Variants in FHOD3 observed in about 807,000 individuals in gnomAD.
FHOD3 encodes the protein formin homology 2 domain containing 3.
In FHOD3, 90 loss-of-function variants were observed where a neutral mutation model predicts 173.0. The observed-to-expected ratio is 0.52, with a 90% CI of 0.44 to 0.62. The LOEUF is 0.62. Among genes scored for constraint, FHOD3 ranks in the 20% least tolerant of loss-of-function variants. FHOD3 has a pLI of 0.00. For synonymous variants in FHOD3, 828 were observed against 823.0 expected (o/e 1.01, Z -0.10); for missense variants, 1,945 against 2,034.7 (o/e 0.96, Z 0.85).
chr18:36,539,427 C>T (rs74976783), intron 5 of FHOD3, among the ~76,000 whole-genome samples: 2,074 of 152,264 alleles, frequency 0.014, 47 homozygotes, highest in African/African-American at 0.043. Context: ...AAGGCCATTG[C>T]GTAGAAAGTG....
At chr18:36,556,245 G>A (rs962280787) in intron 5 of FHOD3, among the ~76,000 whole-genome samples, 12 of 152,104 alleles carry the variant, frequency 7.9e-5, no homozygotes, top group African/African-American at 2.7e-4. Flanking sequence ...CAATATGAGT[G>A]AACTGTGAGA....
chr18:36,687,490 G>A (rs2038700306), intron 16 of FHOD3, among the ~76,000 whole-genome samples: 1 of 152,152 alleles, frequency 6.6e-6, no homozygotes, highest in Non-Finnish European at 1.5e-5. Context: ...TGTTCCTAAT[G>A]CATGCTTTTA....
chr18:36,768,477 G>A (rs1232779723), intron 27 of FHOD3, among the ~76,000 whole-genome samples: 2 of 152,190 alleles, frequency 1.3e-5, no homozygotes, highest in Non-Finnish European at 1.5e-5. Flanking sequence ...TGTGGAACTT[G>A]ATTATGCACA....
intron 10 of FHOD3, among the ~76,000 whole-genome samples, chr18:36,644,775 C>G (rs1434472569): frequency 6.6e-6 from 1 of 152,094 alleles, no homozygotes; most frequent in Non-Finnish European, 1.5e-5. Flanking sequence ...TGTTAGTGCC[C>G]CATGTAGGGA....
intron 27 of FHOD3, among the ~76,000 whole-genome samples, chr18:36,768,756 C>A (rs1044801405): frequency 6.6e-6 from 1 of 152,204 alleles, no homozygotes; most frequent in Non-Finnish European, 1.5e-5. Context: ...AAATCTATTT[C>A]TTTCTACTTA....
chr18:36,441,536 G>T (rs1234832064), intron 3 of FHOD3, among the ~76,000 whole-genome samples: 3 of 152,202 alleles, frequency 2.0e-5, no homozygotes, highest in Non-Finnish European at 4.4e-5. Context: ...GCTGCAGACT[G>T]CTGGACGTCT....
chr18:36,746,303 G>A (rs993303289), intron 23 of FHOD3, among the ~76,000 whole-genome samples: 4 of 152,140 alleles, frequency 2.6e-5, no homozygotes, highest in African/African-American at 9.7e-5. Context: ...TCAGAGTTTG[G>A]GAATCACCTG....
At chr18:36,511,827 AG>A (rs1337731485) in intron 4 of FHOD3, among the ~76,000 whole-genome samples, 1 of 152,216 alleles carries the variant, frequency 6.6e-6, no homozygotes, top group African/African-American at 2.4e-5. Flanking sequence ...CAGGTCTGCA[AG>A]CCAGCCAAGG....
intron 3 of FHOD3, among the ~76,000 whole-genome samples, chr18:36,376,973 A>C (rs1462762876): frequency 6.6e-6 from 1 of 152,206 alleles, no homozygotes; most frequent in African/African-American, 2.4e-5. Context: ...GTGCAGTCTT[A>C]ATGGGAAAGG....
intron 14 of FHOD3, among the ~76,000 whole-genome samples, chr18:36,671,762 A>C (rs1016612064): frequency 3.9e-5 from 6 of 152,186 alleles, no homozygotes; most frequent in African/African-American, 1.4e-4. Context: ...TATTGATGGC[A>C]CTCAGACACA....
chr18:36,692,999 A>G (rs1001507702), intron 16 of FHOD3: 23 of 592,758 alleles, frequency 3.9e-5, no homozygotes, highest in Non-Finnish European at 5.4e-5. Context: ...ATTTCCCCCA[A>G]TTTGCTTGGT....
chr18:36,372,571 C>T (rs2047244298), intron 2 of FHOD3, 109 bp from the exon 3 acceptor site: 6 of 771,710 alleles, frequency 7.8e-6, no homozygotes, highest in Non-Finnish European at 1.3e-5. Context: ...CTCTGCTTCT[C>T]TGGATCCCCA....
At chr18:36,373,969 G>A (rs1037719275) in intron 3 of FHOD3, among the ~76,000 whole-genome samples, 4 of 152,152 alleles carry the variant, frequency 2.6e-5, no homozygotes, top group Non-Finnish European at 4.4e-5. Flanking sequence ...ATCCAGGCAC[G>A]TAACATGTAC....
rs777807353 is a variant in FHOD3, at chr18:36,433,863, G to A, written c.337+61119G>A. ...CTTATTGAGGTATACTTTACATTCA[G>A]AAAAATGCACCCACTTTGACAATAT... On this transcript the variant is annotated intron_variant, in intron 3 of 28. Coordinates refer to ENST00000590592, the MANE Select transcript of FHOD3 (RefSeq NM_001281740.3). 2.8e-4 allele frequency among the ~76,000 whole-genome samples: 43 copies of A among 152,240 alleles called. 1 individual carries two copies. The highest frequency in any genetic ancestry group is 2.0e-4 in the Admixed American group (3 of 15,290).
chr18:36,751,246 G>A lies in FHOD3; in HGVS notation c.4233-3873G>A, dbSNP rs981125797. 3.9e-5 allele frequency among the ~76,000 whole-genome samples: 6 copies of A among 152,296 alleles called. No homozygotes were observed. In the East Asian group the frequency reaches 9.7e-4, roughly 25 times the overall value. On this transcript the variant is annotated intron_variant, in intron 24 of 28. Transcript: ENST00000590592. ...ATTTTATTCTTTTCGTGGCAACTGT[G>A]AATGAGATTGCCTTTCTGATTTGGC... is the stretch of plus-strand genomic sequence containing the variant.
intron 5 of FHOD3, among the ~76,000 whole-genome samples, chr18:36,554,164 G>T (rs1196309683): frequency 6.6e-6 from 1 of 152,108 alleles, no homozygotes; most frequent in African/African-American, 2.4e-5. Context: ...TATAAATCAT[G>T]CTGCTATAAA....
At chr18:36,740,975 C>A in intron 21 of FHOD3, 137 bp downstream of exon 21, 1 of 794,872 alleles carries the variant, frequency 1.3e-6, no homozygotes, top group South Asian at 2.6e-5. Context: ...ATGAGGAGGT[C>A]GTGTGTACAC....
chr18:36,564,939 T>A (rs1344609230), intron 5 of FHOD3, among the ~76,000 whole-genome samples: 1 of 152,220 alleles, frequency 6.6e-6, no homozygotes, highest in Non-Finnish European at 1.5e-5. Context: ...GACTCAAAAC[T>A]TTGACACCTT....
intron 3 of FHOD3, among the ~76,000 whole-genome samples, chr18:36,446,610 G>A (rs1215476068): frequency 3.9e-5 from 6 of 152,106 alleles, no homozygotes; most frequent in Non-Finnish European, 7.4e-5. Flanking sequence ...GGGAGGAGCT[G>A]CAGCTGGGGA....
Sources: gnomAD v4.1 joint callset for allele counts (sites outside exome capture counted in the v4.1 genomes callset) on GRCh38, gnomAD v4.1.1 for gene constraint, MANE v1.5 for transcripts, NCBI Gene and HGNC (gene_info 2026-07-23, HGNC 2026-07-21) for gene names.